PPP1R9A: variants seen among roughly 807,000 people sequenced by gnomAD.
PPP1R9A encodes the protein neurabin-1.
In PPP1R9A, 59 loss-of-function variants were observed where a neutral mutation model predicts 141.9. That is an observed-to-expected ratio of 0.42 (90% CI 0.34 to 0.52). PPP1R9A has a LOEUF of 0.52. Among genes scored for constraint, PPP1R9A ranks in the 20% least tolerant of loss-of-function variants. PPP1R9A has a pLI of 0.10. For missense variants in PPP1R9A, 1,444 were observed against 1,611.9 expected, an observed-to-expected ratio of 0.90 and a Z score of 1.78; for synonymous variants, 500 against 569.7, an observed-to-expected ratio of 0.88 and a Z score of 1.74.
chr7:95,032,488 T>G (rs928968443), intron 2 of PPP1R9A, among the ~76,000 whole-genome samples: 8 of 152,170 alleles, frequency 5.3e-5, no homozygotes, highest in African/African-American at 1.9e-4. Flanking sequence ...AAATCTACCC[T>G]TATCTAAAGC....
chr7:95,147,864 T>A (rs1827923867), intron 4 of PPP1R9A, among the ~76,000 whole-genome samples: 2 of 152,252 alleles, frequency 1.3e-5, no homozygotes, highest in Admixed American at 1.3e-4. Flanking sequence ...TCATGATGGA[T>A]AACTTTTTTG....
intron 12 of PPP1R9A, among the ~76,000 whole-genome samples, chr7:95,264,876 C>T (rs1056620629): frequency 6.6e-5 from 10 of 152,122 alleles, no homozygotes; most frequent in African/African-American, 1.2e-4. Context: ...ACTGGAGAAA[C>T]GAGGAAAAGA....
rs1160454858 is a variant in PPP1R9A at position 95,111,240 on chromosome 7, T to C, written c.1396-19T>C. On this transcript the variant is annotated intron_variant, in intron 2 of 19. Coordinates refer to ENST00000433360, the MANE Select transcript of PPP1R9A (RefSeq NM_001166160.2). ...TTTTTTTTTTTCTGTATTATCATCT[T>C]GTTGGCCTCTTACTACAGGTTTTCA... 10 of 1,577,962 alleles carry C rather than the reference T, an allele frequency of 6.3e-6. No individual in the cohort carries two copies. The highest frequency in any genetic ancestry group is 8.6e-6 in the Non-Finnish European group (10 of 1,163,836).
At chr7:95,042,876 T>A (rs1809460370) in intron 2 of PPP1R9A, among the ~76,000 whole-genome samples, 1 of 152,052 alleles carries the variant, frequency 6.6e-6, no homozygotes, top group Non-Finnish European at 1.5e-5. Context: ...ACTCTCACTT[T>A]GAAATTTTAT....
At chr7:95,146,866 T>A (rs1165898673) in intron 4 of PPP1R9A, among the ~76,000 whole-genome samples, 2 of 152,228 alleles carry the variant, frequency 1.3e-5, no homozygotes, top group African/African-American at 4.8e-5. Context: ...ATATCTGTTT[T>A]GGTACCAGTA....
chr7:94,934,637 C>G (rs112933781), intron 2 of PPP1R9A, among the ~76,000 whole-genome samples: 1,771 of 151,866 alleles, frequency 0.012, 13 homozygotes, highest in Admixed American at 0.02. Flanking sequence ...CCTTTATTTA[C>G]CATTTTTGGT....
intron 2 of PPP1R9A, among the ~76,000 whole-genome samples, chr7:95,040,803 A>G (rs1809126156): frequency 6.6e-6 from 1 of 151,938 alleles, no homozygotes; most frequent in African/African-American, 2.4e-5. Context: ...TATTTTGATG[A>G]TCTGTTGAAT....
chr7:94,980,713 G>A (rs111319727), intron 2 of PPP1R9A, among the ~76,000 whole-genome samples: 55 of 151,790 alleles, frequency 3.6e-4, no homozygotes, highest in African/African-American at 1.3e-3. Flanking sequence ...TATCTCTGAG[G>A]TGCCGCACAA....
chr7:95,269,885 TAACGTAGTCATATAG>T (rs1398965686), intron 14 of PPP1R9A, among the ~76,000 whole-genome samples: 1 of 152,144 alleles, frequency 6.6e-6, no homozygotes, highest in Non-Finnish European at 1.5e-5. Flanking sequence ...CAGTAAACAC[TAACGTAGTCATATAG>T]GAAAAAAAGA....
intron 5 of PPP1R9A, among the ~76,000 whole-genome samples, chr7:95,164,425 T>C (rs1231470490): frequency 6.6e-6 from 1 of 152,202 alleles, no homozygotes; most frequent in Non-Finnish European, 1.5e-5. Flanking sequence ...CTCTTATAAT[T>C]GGGCTTTTGT....
chr7:94,931,439 C>T (rs1231472478), intron 2 of PPP1R9A, among the ~76,000 whole-genome samples: 4 of 152,032 alleles, frequency 2.6e-5, no homozygotes, highest in East Asian at 1.9e-4. Flanking sequence ...AAAAATACTA[C>T]AATTAGTCAT....
At chr7:95,273,145 C>T (rs1802482801) in intron 14 of PPP1R9A, among the ~76,000 whole-genome samples, 1 of 152,106 alleles carries the variant, frequency 6.6e-6, no homozygotes, top group Admixed American at 6.6e-5. Context: ...GGTCCCCATT[C>T]CCCAGCAGCT....
rs181897594 is a variant in PPP1R9A, at chr7:94,954,865, A to G, written c.1395+43357A>G. Among the ~76,000 whole-genome samples the G allele has an allele frequency of 8.5e-3, 1,244 of 146,882 alleles. 11 individuals carry two copies. Among genetic ancestry groups the G allele is most frequent in the African/African-American group, 0.027 (1,097 of 40,306 alleles). Reference sequence around the variant, plus strand: ...TGTGTGTGTGTGTGTGTGTGTGTGTATATGTATATGTCCACATATGTTTGT... The same window carrying G: ...TGTGTGTGTGTGTGTGTGTGTGTGTGTATGTATATGTCCACATATGTTTGT... On this transcript the variant is annotated intron_variant, in intron 2 of 19. Transcript: ENST00000433360.
chr7:95,092,356 T>C (rs569459024), intron 2 of PPP1R9A, among the ~76,000 whole-genome samples: 1 of 152,060 alleles, frequency 6.6e-6, no homozygotes, highest in South Asian at 2.1e-4. Context: ...CTTTTTTTTT[T>C]TTTTTGATTA....
At chr7:95,016,010 G>A (rs377161776) in intron 2 of PPP1R9A, among the ~76,000 whole-genome samples, 2 of 152,048 alleles carry the variant, frequency 1.3e-5, no homozygotes, top group African/African-American at 4.8e-5. Flanking sequence ...CCATGATTGC[G>A]CTACTGCACT....
chr7:95,040,735 T>G (rs1015219143), intron 2 of PPP1R9A, among the ~76,000 whole-genome samples: 3 of 152,176 alleles, frequency 2.0e-5, no homozygotes, highest in African/African-American at 4.8e-5. Flanking sequence ...CTTTTCATTC[T>G]CTGAAGAAAT....
At chr7:95,028,582 G>A (rs1377300601) in intron 2 of PPP1R9A, among the ~76,000 whole-genome samples, 2 of 152,128 alleles carry the variant, frequency 1.3e-5, no homozygotes, top group African/African-American at 2.4e-5. Context: ...TAACATTTTA[G>A]GGCTAGAGGA....
At position 95,240,132 on chromosome 7, in the gene PPP1R9A, A is replaced by C. The variant is rs1347515824; in HGVS notation, c.2113-7341A>C. Among the ~76,000 whole-genome samples the C allele has an allele frequency of 2.0e-5, 3 of 152,060 alleles. No individual in the cohort carries two copies. In the South Asian group the frequency reaches 6.2e-4, roughly 31 times the overall value. On this transcript the variant is annotated intron_variant, in intron 8 of 19. Coordinates refer to ENST00000433360, the MANE Select transcript of PPP1R9A (RefSeq NM_001166160.2). Reference sequence around the variant, plus strand: ...AGGATATAGTTTCCATGAGCTTCCCATACTGAGAATGACATTCTAATTCAT... The same window carrying C: ...AGGATATAGTTTCCATGAGCTTCCCCTACTGAGAATGACATTCTAATTCAT...
chr7:95,097,852 G>A (rs1167776427), intron 2 of PPP1R9A, among the ~76,000 whole-genome samples: 1 of 152,206 alleles, frequency 6.6e-6, no homozygotes, highest in African/African-American at 2.4e-5. Context: ...AGCACCGCCA[G>A]TAGAAGATAA....
Sources: allele counts gnomAD v4.1 joint callset (sites outside exome capture counted in the v4.1 genomes callset), GRCh38; gene constraint gnomAD v4.1.1; transcripts MANE v1.5; gene names NCBI Gene and HGNC (gene_info 2026-07-23, HGNC 2026-07-21).